Variants in C2orf42 observed in about 807,000 individuals in gnomAD.
The protein encoded by C2orf42 is uncharacterized protein C2orf42.
In C2orf42, 44 loss-of-function variants were observed where a neutral mutation model predicts 58.9. The ratio of observed to expected loss-of-function variants is 0.75; its 90% CI spans 0.59 to 0.96. The LOEUF (loss-of-function observed/expected upper bound fraction) is 0.96. Ranked by LOEUF, C2orf42 falls within the 40% of genes least tolerant of loss-of-function variation. The pLI, the probability that C2orf42 is intolerant of heterozygous loss-of-function variation, is 0.00. For synonymous variants in C2orf42, 239 were observed against 265.4 expected (o/e 0.90, Z 0.97); for missense variants, 630 against 699.2 (o/e 0.90, Z 1.12).
chr2:70,166,668 T>A (rs1053021133), intron 6 of C2orf42, among the ~76,000 whole-genome samples: 6 of 151,294 alleles, frequency 4.0e-5, no homozygotes, highest in Non-Finnish European at 7.4e-5. Flanking sequence ...AGGGTGAGAC[T>A]CCACTGAAAA....
At position 70,175,746 on chromosome 2, in the gene C2orf42, T is replaced by C; in HGVS notation, c.966A>G (p.Gln322=). The change falls in exon 5 of 10, where the codon CAA becomes CAG. Residue 322 remains glutamine (Q), a synonymous_variant. Transcript: ENST00000264434. ...TCCTTAGATTACTGCTCACTGCATC[T>C]TGAGGCAGTAGTGAACTGTTCATCT... ...GAQMNSSLLP[Q]DAVSSNLRKS... The C allele has an allele frequency of 6.2e-7, 1 of 1,611,132 alleles. No individual in the cohort carries two copies. The highest frequency in any genetic ancestry group is 8.5e-7 in the Non-Finnish European group (1 of 1,177,276).
chr2:70,157,630 C>T (rs1222998715), intron 9 of C2orf42, among the ~76,000 whole-genome samples: 1 of 151,784 alleles, frequency 6.6e-6, no homozygotes, highest in African/African-American at 2.4e-5. Flanking sequence ...AACCCCATAT[C>T]TACTAAAAAT....
At chr2:70,159,485 G>C (rs1672919010) in intron 9 of C2orf42, among the ~76,000 whole-genome samples, 1 of 151,528 alleles carries the variant, frequency 6.6e-6, no homozygotes, top group East Asian at 2.0e-4. Context: ...CTACTCGGGA[G>C]GCTGAGGCAG....
chr2:70,163,789 A>C (rs1234805091), intron 8 of C2orf42, among the ~76,000 whole-genome samples: 2 of 151,868 alleles, frequency 1.3e-5, no homozygotes, highest in Non-Finnish European at 2.9e-5. Flanking sequence ...GGTGGAGGTT[A>C]CAGTGAGCCG....
intron 9 of C2orf42, among the ~76,000 whole-genome samples, chr2:70,154,707 C>T (rs1402580581): frequency 1.3e-5 from 2 of 152,094 alleles, no homozygotes; most frequent in African/African-American, 2.4e-5. Context: ...CTATAACTTA[C>T]CTAACTTACA....
intron 5 of C2orf42, among the ~76,000 whole-genome samples, chr2:70,170,191 A>C (rs1299301452): frequency 1.3e-5 from 2 of 151,972 alleles, no homozygotes; most frequent in Non-Finnish European, 2.9e-5. Flanking sequence ...GAAAAAAAAA[A>C]AAAAAACTTG....
At chr2:70,187,307 A>G (rs1285374723) in intron 1 of C2orf42, among the ~76,000 whole-genome samples, 1 of 151,656 alleles carries the variant, frequency 6.6e-6, no homozygotes, top group Non-Finnish European at 1.5e-5. Flanking sequence ...CTGGAGTGCA[A>G]TGACGCAATC....
chr2:70,151,549 G>A (rs895205618), intron 9 of C2orf42, among the ~76,000 whole-genome samples: 2 of 151,854 alleles, frequency 1.3e-5, no homozygotes, highest in East Asian at 2.0e-4. Flanking sequence ...CAGAAGAATC[G>A]CCTGAACCCA....
chr2:70,174,198 C>T (rs1347533864), intron 5 of C2orf42, among the ~76,000 whole-genome samples: 1 of 151,952 alleles, frequency 6.6e-6, no homozygotes, highest in Non-Finnish European at 1.5e-5. Context: ...ATTCCAGCTA[C>T]TTGGGAGGCT....
In C2orf42 at chr2:70,151,397, A is replaced by T. The variant is rs1286604964; in HGVS notation, c.1517-833T>A. Among the ~76,000 whole-genome samples the T allele has an allele frequency of 5.3e-5, 8 of 152,062 alleles. No individual in the cohort carries two copies. In the East Asian group the frequency reaches 1.5e-3, roughly 29 times the overall value. The stretch of plus-strand genomic sequence containing the variant: ...ACACCTGTAATTCCAGCACTGTGGG[A>T]GGCTGAGGTGGGCGGATCACTTGAG... On this transcript the variant is annotated intron_variant, in intron 9 of 9. Coordinates refer to ENST00000264434, the MANE Select transcript of C2orf42 (RefSeq NM_017880.3).
At chr2:70,172,197 C>T (rs1285417351) in intron 5 of C2orf42, among the ~76,000 whole-genome samples, 2 of 143,448 alleles carry the variant, frequency 1.4e-5, no homozygotes, top group Non-Finnish European at 3.0e-5. Context: ...GTACTCCAGC[C>T]TAGGCGACAG....
Position 70,181,164 on chromosome 2 carries a change from G to T in C2orf42, c.822C>A (p.Ser274Arg), listed in dbSNP as rs756601319. ...AACCACATCAACCATACCACCTACCGCTGGAATCAAAATTTAGGAAGTCTG... is the reference window on the plus strand; with the variant it reads ...AACCACATCAACCATACCACCTACCTCTGGAATCAAAATTTAGGAAGTCTG... ...EFSDFLNFDSSGLKEIIVPQL... is the reference protein window; with the variant it reads ...EFSDFLNFDSRGLKEIIVPQL... The change falls in exon 3 of 10, where the codon AGC (serine) becomes AGA (arginine). Residue 274 changes from serine (S) to arginine (R), a missense_variant and splice_region_variant. Physicochemically the swap from Ser to Arg is moderately radical, Grantham distance 110. Coordinates refer to ENST00000264434, the MANE Select transcript of C2orf42 (RefSeq NM_017880.3). 4.5e-6 allele frequency: 7 copies of T among 1,541,150 alleles called. No individual in the cohort carries two copies. Among genetic ancestry groups the T allele is most frequent in the Non-Finnish European group, 6.2e-6 (7 of 1,136,518 alleles).
chr2:70,162,218 C>T (rs1488014457), intron 8 of C2orf42, among the ~76,000 whole-genome samples: 2 of 151,756 alleles, frequency 1.3e-5, no homozygotes, highest in African/African-American at 4.8e-5. Context: ...ACCATGTTGG[C>T]GAAGCTGGTC....
chr2:70,150,212 A>C lies in C2orf42; in HGVS notation c.*144T>G, dbSNP rs1397901945. ...CAAGAGATTTTCTTCAACAGAATCC[A>C]CTTGAAAGCACTGAGAATTTGCATC... On this transcript the variant is annotated 3_prime_UTR_variant, in exon 10 of 10. Coordinates refer to ENST00000264434, the MANE Select transcript of C2orf42 (RefSeq NM_017880.3). 1.5e-6 allele frequency: 1 copy of C among 663,828 alleles called. No individual in the cohort carries two copies. The highest frequency in any genetic ancestry group is 2.6e-6 in the Non-Finnish European group (1 of 381,446). 41.1% of individuals were successfully genotyped at this position (663,828 alleles called of 1,614,324 possible).
chr2:70,179,246 T>G (rs1043957108), intron 4 of C2orf42, among the ~76,000 whole-genome samples: 2 of 150,838 alleles, frequency 1.3e-5, no homozygotes, highest in Non-Finnish European at 2.9e-5. Flanking sequence ...AAAACTTTTC[T>G]CAGGAAAAAA....
intron 8 of C2orf42, among the ~76,000 whole-genome samples, chr2:70,162,953 C>T (rs570389690): frequency 4.2e-4 from 64 of 152,100 alleles, no homozygotes; most frequent in African/African-American, 1.3e-3. Flanking sequence ...CTGCAACCTC[C>T]GCCTCCCGGG....
intron 9 of C2orf42, among the ~76,000 whole-genome samples, chr2:70,150,937 G>C (rs547356862): frequency 1.3e-5 from 2 of 152,116 alleles, no homozygotes; most frequent in African/African-American, 4.8e-5. Context: ...AGTAGAGATG[G>C]GGTTTCATCG....
intron 5 of C2orf42, among the ~76,000 whole-genome samples, chr2:70,172,485 T>C (rs1034086539): frequency 1.6e-4 from 24 of 151,354 alleles, no homozygotes; most frequent in Non-Finnish European, 2.4e-4. Flanking sequence ...TGAGACCAGA[T>C]TGGGCAACAT....
At chr2:70,166,562 G>A (rs1206330790) in intron 6 of C2orf42, among the ~76,000 whole-genome samples, 1 of 149,310 alleles carries the variant, frequency 6.7e-6, no homozygotes, top group African/African-American at 2.5e-5. Context: ...TGTAATTCCA[G>A]CTACTCAGGA....
Sources: allele counts gnomAD v4.1 joint callset (sites outside exome capture counted in the v4.1 genomes callset), GRCh38; gene constraint gnomAD v4.1.1; transcripts MANE v1.5; gene names NCBI Gene and HGNC (gene_info 2026-07-23, HGNC 2026-07-21).